Variants in LHCGR observed in about 807,000 individuals in gnomAD.
LHCGR encodes luteinizing hormone/choriogonadotropin receptor.
In LHCGR, 55 loss-of-function variants were observed where a neutral mutation model predicts 60.7. The ratio of observed to expected loss-of-function variants is 0.91; its 90% CI spans 0.73 to 1.13. The LOEUF (loss-of-function observed/expected upper bound fraction) is 1.13, where lower values mean the gene tolerates loss of function less well. Ranked by LOEUF, LHCGR falls within the 50% of genes most tolerant of loss-of-function variation. The pLI is 0.00. For synonymous variants in LHCGR, 337 were observed against 316.5 expected, an observed-to-expected ratio of 1.06 and a Z score of -0.69; for missense variants, 862 against 836.0, an observed-to-expected ratio of 1.03 and a Z score of -0.38.
intron 1 of LHCGR, among the ~76,000 whole-genome samples, chr2:48,739,288 T>G (rs138238736): frequency 1.3e-5 from 2 of 152,210 alleles, no homozygotes; most frequent in Non-Finnish European, 2.9e-5. Context: ...GAAATACCAT[T>G]TGAGCCAGCC....
At chr2:48,697,838 TAA>T (rs1017115769) in intron 9 of LHCGR, among the ~76,000 whole-genome samples, 1 of 152,046 alleles carries the variant, frequency 6.6e-6, no homozygotes, top group African/African-American at 2.4e-5. Context: ...AAAAAAAGCA[TAA>T]AATAAAATAG....
At chr2:48,750,352 T>C (rs777698970) in intron 1 of LHCGR, among the ~76,000 whole-genome samples, 1 of 152,190 alleles carries the variant, frequency 6.6e-6, no homozygotes, top group Non-Finnish European at 1.5e-5. Context: ...GGATTGATTC[T>C]TCCCTACTGA....
intron 8 of LHCGR, among the ~76,000 whole-genome samples, chr2:48,699,391 CCT>C (rs1667294045): frequency 6.6e-6 from 1 of 151,998 alleles, no homozygotes. Flanking sequence ...TTTTCCCTAC[CCT>C]CTCTCTTCCT....
At chr2:48,695,354 A>T (rs2104383519) in intron 9 of LHCGR, among the ~76,000 whole-genome samples, 1 of 152,192 alleles carries the variant, frequency 6.6e-6, no homozygotes, top group East Asian at 1.9e-4. Context: ...GGACTTAGCT[A>T]AAAATTCTTT....
Position 48,687,552 on chromosome 2 carries a change from T to A in LHCGR, c.*145A>T. On this transcript the variant is annotated 3_prime_UTR_variant, in exon 11 of 11. Transcript: ENST00000294954. Reference sequence around the variant, plus strand: ...TGTGGCAGTGGTCATAGACTACACTTTCTACTAGGTAGAGGTCTCTTGCCT... The same window carrying A: ...TGTGGCAGTGGTCATAGACTACACTATCTACTAGGTAGAGGTCTCTTGCCT... 1.5e-6 allele frequency: 1 copy of A among 660,254 alleles called. No individual in the cohort carries two copies. The highest frequency in any genetic ancestry group is 2.6e-6 in the Non-Finnish European group (1 of 380,614). 40.9% of individuals were successfully genotyped at this position (660,254 alleles called of 1,614,324 possible).
intron 8 of LHCGR, among the ~76,000 whole-genome samples, chr2:48,705,343 G>A (rs1031689625): frequency 6.6e-6 from 1 of 152,168 alleles, no homozygotes; most frequent in African/African-American, 2.4e-5. Context: ...ATGCGATATG[G>A]TGCTGAGAAG....
intron 7 of LHCGR, among the ~76,000 whole-genome samples, chr2:48,709,739 C>G (rs1290670626): frequency 6.6e-6 from 1 of 152,182 alleles, no homozygotes; most frequent in African/African-American, 2.4e-5. Context: ...CTGCCTTGAG[C>G]TCAAAGTCAT....
At chr2:48,710,068 C>G (rs1667904072) in intron 7 of LHCGR, among the ~76,000 whole-genome samples, 1 of 152,142 alleles carries the variant, frequency 6.6e-6, no homozygotes, top group Non-Finnish European at 1.5e-5. Flanking sequence ...ATACTAACAC[C>G]CATTCCCCGC....
chr2:48,750,698 C>G (rs189950066), intron 1 of LHCGR, among the ~76,000 whole-genome samples: 1 of 152,328 alleles, frequency 6.6e-6, no homozygotes, highest in African/African-American at 2.4e-5. Flanking sequence ...CTCAGTAACA[C>G]TTTAATTATA....
At chr2:48,738,380 T>C (rs1669291645) in intron 1 of LHCGR, among the ~76,000 whole-genome samples, 3 of 152,206 alleles carry the variant, frequency 2.0e-5, no homozygotes, top group African/African-American at 7.2e-5. Context: ...ACTGCTACTC[T>C]TGGCCATTCT....
Position 48,687,607 on chromosome 2 carries a change from A to C in LHCGR, c.*90T>G. On this transcript the variant is annotated 3_prime_UTR_variant, in exon 11 of 11. Transcript: ENST00000294954. ...TACCTAAAAATAAATAATTTCCTAA[A>C]TCCAACCCTTTATGTTAAAATTACT... 8.9e-7 allele frequency: 1 copy of C among 1,121,886 alleles called. No homozygotes were observed. 69.5% of individuals were successfully genotyped at this position (1,121,886 alleles called of 1,614,324 possible). A position where few individuals can be genotyped will look rare whatever the true frequency, so the allele number is the denominator to read the frequency against.
At chr2:48,725,797 A>G (rs751184879) in intron 3 of LHCGR, 47 bp from the exon 4 acceptor site, 1 of 1,392,902 alleles carries the variant, frequency 7.2e-7, no homozygotes, top group Admixed American at 1.7e-5. Context: ...ATAGATGTGT[A>G]TTGTTTGAAA....
chr2:48,734,687 A>G (rs1424188621), intron 1 of LHCGR, among the ~76,000 whole-genome samples: 5 of 152,178 alleles, frequency 3.3e-5, no homozygotes, highest in Non-Finnish European at 7.3e-5. Context: ...ATCATTTGAT[A>G]TAGAGCAGAA....
intron 7 of LHCGR, among the ~76,000 whole-genome samples, chr2:48,710,660 A>G (rs1214756401): frequency 2.6e-5 from 4 of 152,170 alleles, no homozygotes; most frequent in Non-Finnish European, 5.9e-5. Flanking sequence ...AAGTTTTCCC[A>G]GCTTGGGTGC....
chr2:48,721,385 G>T (rs1332476559), intron 6 of LHCGR: 1 of 231,498 alleles, frequency 4.3e-6, no homozygotes, highest in East Asian at 1.0e-4. Flanking sequence ...GGAGTGGAGA[G>T]ACTGTTGAGA....
rs192654254 is a variant in LHCGR, at chr2:48,721,997, A to C, written c.536+1459T>G. ...AAATCCTGTCTCTACTAAAAATACA[A>C]AAATTAGCTGGGTGTGGTGGCACAC... On this transcript the variant is annotated intron_variant, in intron 6 of 10. Transcript: ENST00000294954. Among the ~76,000 whole-genome samples the C allele has an allele frequency of 2.9e-4, 44 of 152,306 alleles. No homozygotes were observed. The East Asian group carries it at 8.5e-3, about 29-fold the overall frequency.
At chr2:48,712,328 C>T (rs1399534976) in intron 7 of LHCGR, among the ~76,000 whole-genome samples, 1 of 152,046 alleles carries the variant, frequency 6.6e-6, no homozygotes, top group Non-Finnish European at 1.5e-5. Flanking sequence ...CATCTTCATT[C>T]CCCCTCAAAA....
At chr2:48,729,317 A>G (rs1049368699) in intron 2 of LHCGR, 90 bp from the exon 3 acceptor site, 2 of 955,170 alleles carry the variant, frequency 2.1e-6, no homozygotes, top group Non-Finnish European at 3.4e-6. Flanking sequence ...TGACCCAACA[A>G]CTGGGGACAC....
chr2:48,745,967 C>T (rs1317779542), intron 1 of LHCGR, among the ~76,000 whole-genome samples: 1 of 152,070 alleles, frequency 6.6e-6, no homozygotes, highest in Non-Finnish European at 1.5e-5. Context: ...CTTGAAGTCC[C>T]ATAGTGTGGT....
Sources: gnomAD v4.1 joint callset for allele counts (sites outside exome capture counted in the v4.1 genomes callset) on GRCh38, gnomAD v4.1.1 for gene constraint, MANE v1.5 for transcripts, NCBI Gene and HGNC (gene_info 2026-07-23, HGNC 2026-07-21) for gene names.